The following AMN1 variants were observed in gnomAD, a reference collection of about 807,000 sequenced individuals.
AMN1 encodes protein AMN1 homolog.
AMN1 carries 20 observed loss-of-function variants against 33.0 expected under a neutral mutation model. The observed-to-expected ratio is 0.61, with a 90% CI of 0.43 to 0.88. The LOEUF (loss-of-function observed/expected upper bound fraction) is 0.88. Among genes scored for constraint, AMN1 ranks in the 40% least tolerant of loss-of-function variants. The pLI, the probability that AMN1 is intolerant of heterozygous loss-of-function variation, is 0.00. For missense variants in AMN1, 246 were observed against 307.4 expected, an observed-to-expected ratio of 0.80 and a Z score of 1.49; for synonymous variants, 114 against 111.9, an observed-to-expected ratio of 1.02 and a Z score of -0.12.
At chr12:31,728,827 C>G in intron 1 of AMN1, 144 bp downstream of exon 1, 1 of 961,076 alleles carries the variant, frequency 1.0e-6, no homozygotes, top group Non-Finnish European at 1.5e-6. Flanking sequence ...GATCAGGAAC[C>G]CAGGGACAGA....
At chr12:31,701,496 G>A (rs578142862) in intron 3 of AMN1, among the ~76,000 whole-genome samples, 60 of 152,104 alleles carry the variant, frequency 3.9e-4, no homozygotes, top group African/African-American at 7.0e-4. Flanking sequence ...GGTAGGGGTC[G>A]GGGGCGGTCC....
intron 3 of AMN1, among the ~76,000 whole-genome samples, chr12:31,699,395 CAAAAAA>C (rs34860207): frequency 6.2e-4 from 23 of 36,874 alleles, no homozygotes; most frequent in Middle Eastern, 0.023. Context: ...GACTCTGTCT[CAAAAAA>C]AAAAAAAAAA....
At chr12:31,726,933 T>C (rs1007657280) in intron 1 of AMN1, among the ~76,000 whole-genome samples, 2 of 152,244 alleles carry the variant, frequency 1.3e-5, no homozygotes, top group African/African-American at 4.8e-5. Context: ...TGTTTTAAAA[T>C]TCTATCCAAA....
At chr12:31,711,088 T>C (rs1472016229) in intron 1 of AMN1, among the ~76,000 whole-genome samples, 1 of 152,184 alleles carries the variant, frequency 6.6e-6, no homozygotes, top group Non-Finnish European at 1.5e-5. Context: ...TTTTGTATTT[T>C]TAATAGAGAT....
intron 6 of AMN1, among the ~76,000 whole-genome samples, chr12:31,685,201 G>C (rs140298485): frequency 6.6e-6 from 1 of 151,710 alleles, no homozygotes; most frequent in Non-Finnish European, 1.5e-5. Context: ...ACTAATTTTT[G>C]TATTTTTAGT....
At chr12:31,708,348 G>A (rs1031608921) in intron 2 of AMN1, among the ~76,000 whole-genome samples, 2 of 152,134 alleles carry the variant, frequency 1.3e-5, no homozygotes, top group Admixed American at 1.3e-4. Context: ...GTTGAGATAA[G>A]GACTGAGATA....
chr12:31,689,042 C>A lies in AMN1; in HGVS notation c.668G>T (p.Arg223Leu), dbSNP rs569038342. ...EAVLTYCPQI[R>L]ILLFHGCPLI... is the part of the protein sequence containing the mutation. ...GGGGCATCCATGGAAGAGTAATATA[C>A]GTATTTGAGGACAGTAAGTAAGGAC... The change falls in exon 6 of 7, where the codon CGT (arginine) becomes CTT (leucine). Residue 223 changes from arginine to leucine, a missense_variant. Physicochemically the swap from Arg to Leu is moderately radical, Grantham distance 102. Coordinates refer to ENST00000281471, the MANE Select transcript of AMN1 (RefSeq NM_001113402.2). The A allele has an allele frequency of 6.2e-7, 1 of 1,613,246 alleles. No homozygotes were observed. Among genetic ancestry groups the A allele is most frequent in the Admixed American group, 1.7e-5 (1 of 59,976 alleles).
At chr12:31,704,834 A>T (rs989828725) in intron 2 of AMN1, among the ~76,000 whole-genome samples, 1 of 152,192 alleles carries the variant, frequency 6.6e-6, no homozygotes, top group Admixed American at 6.5e-5. Context: ...AATTAGGCTT[A>T]AAAAATGGTA....
intron 2 of AMN1, among the ~76,000 whole-genome samples, chr12:31,705,343 CA>C (rs1383062860): frequency 6.6e-6 from 1 of 151,910 alleles, no homozygotes; most frequent in African/African-American, 2.4e-5. Flanking sequence ...AAAAAAAATA[CA>C]AAAATTAGCT....
intron 1 of AMN1, among the ~76,000 whole-genome samples, chr12:31,722,806 CA>C (rs1939923953): frequency 2.0e-5 from 3 of 152,178 alleles, no homozygotes; most frequent in South Asian, 2.1e-4. Flanking sequence ...AAACCTGGAT[CA>C]GGGGTCAGCA....
At chr12:31,685,081 T>G (rs928501114) in intron 6 of AMN1, among the ~76,000 whole-genome samples, 1 of 150,578 alleles carries the variant, frequency 6.6e-6, no homozygotes, top group Non-Finnish European at 1.5e-5. Flanking sequence ...CAGGCTGGAG[T>G]GCAGTGCGGA....
chr12:31,688,376 T>G (rs569203763), intron 6 of AMN1, among the ~76,000 whole-genome samples: 105 of 152,360 alleles, frequency 6.9e-4, no homozygotes, highest in African/African-American at 2.3e-3. Context: ...TTCAATATCA[T>G]GAACACAACT....
At position 31,709,004 on chromosome 12, in the gene AMN1, C is replaced by G. The variant is rs778412336; in HGVS notation, c.171+289G>C. On this transcript the variant is annotated intron_variant, in intron 2 of 6. Coordinates refer to ENST00000281471, the MANE Select transcript of AMN1 (RefSeq NM_001113402.2). ...ACCAGCCTGGGCAACATGGTGAAAC[C>G]CTGTCTCTACAAAAAATGCAAAAAT... 2.7e-4 allele frequency: 117 copies of G among 437,610 alleles called. 2 individuals are homozygous for G. The highest frequency in any genetic ancestry group is 8.2e-5 in the Admixed American group (3 of 36,766). The allele number at this position is 437,610 out of a possible 1,614,324, so 27.1% of individuals were successfully genotyped here.
At chr12:31,696,369 C>T (rs764196373) in intron 5 of AMN1, among the ~76,000 whole-genome samples, 1 of 151,868 alleles carries the variant, frequency 6.6e-6, no homozygotes, top group Non-Finnish European at 1.5e-5. Context: ...CCTCAGCCTC[C>T]CTGAGTAGCT....
In AMN1 at chr12:31,710,658, T is replaced by C. The variant is rs74085193; in HGVS notation, c.39-1233A>G. Among the ~76,000 whole-genome samples, 1,270 of 152,170 alleles carry C rather than the reference T, an allele frequency of 8.3e-3. 18 individuals are homozygous for C. Among genetic ancestry groups the C allele is most frequent in the African/African-American group, 0.029 (1,197 of 41,510 alleles). ...CCACAGTACACTTACTTTTATACAC[T>C]GTCTTTCATTCAGTATCTTATGAAA... On this transcript the variant is annotated intron_variant, in intron 1 of 6. Coordinates refer to ENST00000281471, the MANE Select transcript of AMN1 (RefSeq NM_001113402.2).
chr12:31,676,008 C>T (rs189097899), intron 6 of AMN1, among the ~76,000 whole-genome samples: 2 of 151,734 alleles, frequency 1.3e-5, no homozygotes, highest in African/African-American at 2.4e-5. Context: ...CAGCAAGGTA[C>T]AAGAACAATA....
chr12:31,683,889 GAA>G lies in AMN1; in HGVS notation c.703+5116_703+5117del, dbSNP rs1171178688. Among the ~76,000 whole-genome samples, 3 of 152,158 alleles carry G rather than the reference GAA, an allele frequency of 2.0e-5. No individual in the cohort carries two copies. Among genetic ancestry groups the G allele is most frequent in the Non-Finnish European group, 2.9e-5 (2 of 68,026 alleles). On this transcript the variant is annotated intron_variant, in intron 6 of 6. Coordinates refer to ENST00000281471, the MANE Select transcript of AMN1 (RefSeq NM_001113402.2). The surrounding 1 kb of genome is among the most constrained non-coding windows in gnomAD (Gnocchi z 4.1). Reference sequence around the variant, plus strand: ...GAAGAAATGAGGCTGTCATTTCAAAGAAAACAAATGACAGAATTTGTTGTCAG... The same window carrying G: ...GAAGAAATGAGGCTGTCATTTCAAAGAACAAATGACAGAATTTGTTGTCAG...
At chr12:31,694,823 G>A (rs1938653692) in intron 5 of AMN1, among the ~76,000 whole-genome samples, 1 of 152,044 alleles carries the variant, frequency 6.6e-6, no homozygotes, top group African/African-American at 2.4e-5. Context: ...TATTCACTCA[G>A]GCCAAGCATG....
intron 1 of AMN1, among the ~76,000 whole-genome samples, chr12:31,728,395 T>C (rs1940168011): frequency 6.6e-6 from 1 of 152,326 alleles, no homozygotes; most frequent in East Asian, 1.9e-4. Context: ...GACAACTCCA[T>C]GTGATGGGTG....
Sources: allele counts gnomAD v4.1 joint callset (sites outside exome capture counted in the v4.1 genomes callset), GRCh38; gene constraint gnomAD v4.1.1; non-coding constraint Gnocchi (gnomAD v3.1); transcripts MANE v1.5; gene names NCBI Gene and HGNC (gene_info 2026-07-23, HGNC 2026-07-21).